TMPRSS15: variants seen among roughly 807,000 people sequenced by gnomAD.
The protein encoded by TMPRSS15 is transmembrane serine protease 15.
In TMPRSS15, 128 loss-of-function variants were observed where a neutral mutation model predicts 125.3. That is an observed-to-expected ratio of 1.02 (90% CI 0.89 to 1.18). TMPRSS15 has a LOEUF of 1.18. Ranked by LOEUF, TMPRSS15 falls within the 50% of genes most tolerant of loss-of-function variation. The pLI, the probability that TMPRSS15 is intolerant of heterozygous loss-of-function variation, is 0.00. For synonymous variants in TMPRSS15, 446 were observed against 423.2 expected (o/e 1.05, Z -0.66); for missense variants, 1,283 against 1,212.7 (o/e 1.06, Z -0.86).
At chr21:18,454,749 T>C (rs1257122182) in intron 1 of TMPRSS15, among the ~76,000 whole-genome samples, 1 of 152,176 alleles carries the variant, frequency 6.6e-6, no homozygotes. Flanking sequence ...GCCTCACAGA[T>C]TGGATAATGC....
At chr21:18,271,491 G>A (rs959709017) in intron 24 of TMPRSS15, among the ~76,000 whole-genome samples, 1 of 152,118 alleles carries the variant, frequency 6.6e-6, no homozygotes, top group Non-Finnish European at 1.5e-5. Context: ...CGGCTGGGTG[G>A]TCTACCTGAT....
chr21:18,345,421 A>G (rs1397099342), intron 10 of TMPRSS15, among the ~76,000 whole-genome samples: 3 of 151,996 alleles, frequency 2.0e-5, no homozygotes, highest in Non-Finnish European at 4.4e-5. Context: ...GATTACTTAG[A>G]ACATAACTGG....
chr21:18,457,325 GC>G (rs1181231133), intron 1 of TMPRSS15, among the ~76,000 whole-genome samples: 1 of 151,968 alleles, frequency 6.6e-6, no homozygotes, highest in Admixed American at 6.6e-5. Flanking sequence ...ATTTAATTAG[GC>G]CAGAAAAAAT....
At chr21:18,340,738 C>A (rs4452233) in intron 13 of TMPRSS15, among the ~76,000 whole-genome samples, 13 of 113,706 alleles carry the variant, frequency 1.1e-4, no homozygotes, top group Non-Finnish European at 2.1e-4. Flanking sequence ...CCTTAAGAAG[C>A]CCACAAAAAC....
chr21:18,389,260 A>C (rs1331328453), intron 3 of TMPRSS15, among the ~76,000 whole-genome samples: 1 of 150,630 alleles, frequency 6.6e-6, no homozygotes, highest in Non-Finnish European at 1.5e-5. Context: ...AAGTAAATTA[A>C]GGAAGGAAGG....
At chr21:18,317,852 C>T (rs1328439312) in intron 16 of TMPRSS15, among the ~76,000 whole-genome samples, 3 of 83,684 alleles carry the variant, frequency 3.6e-5, no homozygotes, top group African/African-American at 1.2e-4. Context: ...CCCATCCCAT[C>T]CCATCCCATC....
At chr21:18,380,251 T>A (rs972701038) in intron 4 of TMPRSS15, among the ~76,000 whole-genome samples, 1 of 151,224 alleles carries the variant, frequency 6.6e-6, no homozygotes, top group African/African-American at 2.4e-5. Flanking sequence ...ATATCTCTCA[T>A]ATGTAACACA....
chr21:18,372,301 G>A lies in TMPRSS15; in HGVS notation c.556C>T (p.Pro186Ser), dbSNP rs780853355. Residue 186 changes from proline to serine, a missense_variant, in exon 6 of 25, where the codon CCT (proline) becomes TCT (serine). By Grantham distance (74) the Pro-to-Ser change is moderately conservative. Transcript: ENST00000284885. Reference protein sequence around the residue: ...TPGNVSIECLPGSSPCTDALT... With the variant: ...TPGNVSIECLSGSSPCTDALT... ...GCATCAGTACAAGGACTTGAACCAGGCAGGCACTCTATTGAGACATTTCCT... is the reference window on the plus strand; with the variant it reads ...GCATCAGTACAAGGACTTGAACCAGACAGGCACTCTATTGAGACATTTCCT... 6.2e-7 allele frequency: 1 copy of A among 1,612,998 alleles called. No individual in the cohort carries two copies. The highest frequency in any genetic ancestry group is 8.5e-7 in the Non-Finnish European group (1 of 1,179,386).
At chr21:18,325,590 A>T (rs150202278) in intron 16 of TMPRSS15, among the ~76,000 whole-genome samples, 1 of 152,138 alleles carries the variant, frequency 6.6e-6, no homozygotes, top group East Asian at 1.9e-4. Flanking sequence ...GAAATACATC[A>T]ATTCCATAAA....
intron 8 of TMPRSS15, among the ~76,000 whole-genome samples, chr21:18,357,048 A>C (rs1190976641): frequency 6.6e-6 from 1 of 151,836 alleles, no homozygotes; most frequent in Non-Finnish European, 1.5e-5. Context: ...AGCATTTTGA[A>C]ACCGTTTTCA....
intron 1 of TMPRSS15, among the ~76,000 whole-genome samples, chr21:18,434,523 G>A (rs953854053): frequency 1.3e-5 from 2 of 152,010 alleles, no homozygotes; most frequent in Non-Finnish European, 2.9e-5. Context: ...CCAGAATAGT[G>A]ATTTTTAAAA....
Position 18,277,673 on chromosome 21 carries a change from C to T in TMPRSS15, c.2764+1291G>A, listed in dbSNP as rs142259454. Among the ~76,000 whole-genome samples, 588 of 152,272 alleles carry T rather than the reference C, an allele frequency of 3.9e-3. 3 individuals are homozygous for T. Among genetic ancestry groups the T allele is most frequent in the African/African-American group, 0.012 (484 of 41,554 alleles). On this transcript the variant is annotated intron_variant, in intron 23 of 24. Transcript: ENST00000284885. ...TTGTGCTTTCTCTTATAATAGGTAACGACATTTTAAATGTGAGTACTTTGA... is the reference window on the plus strand; with the variant it reads ...TTGTGCTTTCTCTTATAATAGGTAATGACATTTTAAATGTGAGTACTTTGA...
intron 18 of TMPRSS15, among the ~76,000 whole-genome samples, chr21:18,303,493 T>G (rs2074995548): frequency 6.6e-6 from 1 of 152,174 alleles, no homozygotes; most frequent in South Asian, 2.1e-4. Context: ...AATTACAAGT[T>G]GAGCAGTTGG....
intron 16 of TMPRSS15, among the ~76,000 whole-genome samples, chr21:18,316,154 G>A (rs1455666876): frequency 6.6e-6 from 1 of 152,174 alleles, no homozygotes; most frequent in Non-Finnish European, 1.5e-5. Context: ...CCAAGCTGAT[G>A]TGTATGTAGC....
intron 16 of TMPRSS15, among the ~76,000 whole-genome samples, chr21:18,317,636 A>G (rs1046277886): frequency 6.6e-6 from 1 of 152,146 alleles, no homozygotes; most frequent in African/African-American, 2.4e-5. Context: ...AGATTTTTTA[A>G]AACTCTGACA....
In TMPRSS15 at chr21:18,403,732, A is replaced by C; in HGVS notation, c.-110T>G. On this transcript the variant is annotated 5_prime_UTR_variant, in exon 1 of 25. Coordinates refer to ENST00000284885, the MANE Select transcript of TMPRSS15 (RefSeq NM_002772.3). The stretch of plus-strand genomic sequence containing the variant: ...TTTAAAGATGTGTAAAGCAACAACC[A>C]CCTGTCTACATGCATACCAGTCAGT... The C allele has an allele frequency of 7.3e-7, 1 of 1,370,604 alleles. No homozygotes were observed. Among genetic ancestry groups the C allele is most frequent in the Non-Finnish European group, 1.0e-6 (1 of 982,034 alleles). The allele number at this position is 1,370,604 out of a possible 1,614,324, so 84.9% of individuals were successfully genotyped here. A position where few individuals can be genotyped will look rare whatever the true frequency, so the allele number is the denominator to read the frequency against.
At chr21:18,462,127 A>C (rs1324780271) in intron 1 of TMPRSS15, among the ~76,000 whole-genome samples, 1 of 152,126 alleles carries the variant, frequency 6.6e-6, no homozygotes, top group Non-Finnish European at 1.5e-5. Flanking sequence ...TGTAGAAAAT[A>C]TATTTCATAT....
intron 1 of TMPRSS15, among the ~76,000 whole-genome samples, chr21:18,419,453 C>T (rs147614457): frequency 0.017 from 2,534 of 152,144 alleles, 28 homozygotes; most frequent in Non-Finnish European, 0.023. Context: ...TCTCGATCTC[C>T]TGACATCGTG....
intron 24 of TMPRSS15, 85 bp from the exon 25 acceptor site, chr21:18,270,209 AAAAT>A (rs2074538302): frequency 5.1e-6 from 6 of 1,177,732 alleles, no homozygotes; most frequent in Non-Finnish European, 7.3e-6. Flanking sequence ...AATAAATTAA[AAAAT>A]AAAAATTAAT....
Sources: allele counts gnomAD v4.1 joint callset (sites outside exome capture counted in the v4.1 genomes callset), GRCh38; gene constraint gnomAD v4.1.1; transcripts MANE v1.5; gene names NCBI Gene and HGNC (gene_info 2026-07-23, HGNC 2026-07-21).